TOP1: variants seen among roughly 807,000 people sequenced by gnomAD.
TOP1 encodes DNA topoisomerase I, also known as DNA topoisomerase 1.
A neutral mutation model predicts 111.1 loss-of-function variants in TOP1; 10 were observed. The ratio of observed to expected loss-of-function variants is 0.09; its 90% confidence interval spans 0.06 to 0.15. The LOEUF (loss-of-function observed/expected upper bound fraction) is 0.15. TOP1 is among the 10% of genes least tolerant of loss of function. TOP1 has a pLI of 1.00. For missense variants in TOP1, 474 were observed against 926.7 expected, an observed-to-expected ratio of 0.51 and a Z score of 6.34; for synonymous variants, 271 against 302.9, an observed-to-expected ratio of 0.89 and a Z score of 1.10.
Position 41,029,313 on chromosome 20 carries a change from C to T in TOP1, c.34-118C>T. 1 of 966,780 alleles carries T rather than the reference C, an allele frequency of 1.0e-6. No homozygotes were observed. Among genetic ancestry groups the T allele is most frequent in the Non-Finnish European group, 1.5e-6 (1 of 685,460 alleles). 59.9% of individuals were successfully genotyped at this position (966,780 alleles called of 1,614,324 possible). ...CAGGGATGGCTGCCCTCTGTGGCCA[C>T]CCCCGGGTCCCCGTCCTCCCCGGGG... On this transcript the variant is annotated intron_variant, in intron 1 of 20. Coordinates refer to ENST00000361337, the MANE Select transcript of TOP1 (RefSeq NM_003286.4). This position sits in a 1 kb window ranked among gnomAD's most constrained non-coding sequence, Gnocchi z 6.1.
At chr20:41,042,995 G>A (rs1033654631) in intron 2 of TOP1, among the ~76,000 whole-genome samples, 3 of 152,218 alleles carry the variant, frequency 2.0e-5, no homozygotes, top group Non-Finnish European at 4.4e-5. Flanking sequence ...TGCTGTCTCA[G>A]GAGTAGCAGA....
Position 41,069,800 on chromosome 20 carries a change from A to G in TOP1, c.156-6371A>G, listed in dbSNP as rs972512413. Among the ~76,000 whole-genome samples, 3 of 152,316 alleles carry G rather than the reference A, an allele frequency of 2.0e-5. No individual in the cohort carries two copies. Among genetic ancestry groups the G allele is most frequent in the Middle Eastern group, 3.4e-3 (1 of 294 alleles). ...ATTTATCCCTATCATAGTACGCCAT[A>G]ATCATTGTTTTTAAGATTTCATGGT... On this transcript the variant is annotated intron_variant, in intron 3 of 20. Coordinates refer to ENST00000361337, the MANE Select transcript of TOP1 (RefSeq NM_003286.4). This position sits in a 1 kb window ranked among gnomAD's most constrained non-coding sequence, Gnocchi z 4.1.
Position 41,094,266 on chromosome 20 carries a change from C to T in TOP1, c.730+1679C>T, listed in dbSNP as rs191511648. On this transcript the variant is annotated intron_variant, in intron 9 of 20. Coordinates refer to ENST00000361337, the MANE Select transcript of TOP1 (RefSeq NM_003286.4). The surrounding 1 kb of genome is among the most constrained non-coding windows in gnomAD (Gnocchi z 4.4). The stretch of plus-strand genomic sequence containing the variant: ...GAGAGCCTAAGACAGTTCTTTCAGC[C>T]CTCACGCTGGTCATTCCTGGAGACT... Among the ~76,000 whole-genome samples, 20 of 152,148 alleles carry T rather than the reference C, an allele frequency of 1.3e-4. No homozygotes were observed. In the East Asian group the frequency reaches 3.5e-3, roughly 26 times the overall value.
chr20:41,084,578 C>T lies in TOP1; in HGVS notation c.614+10C>T. The T allele has an allele frequency of 6.7e-7, 1 of 1,501,040 alleles. No individual in the cohort carries two copies. 93.0% of individuals were successfully genotyped at this position (1,501,040 alleles called of 1,614,324 possible). On this transcript the variant is annotated intron_variant, in intron 8 of 20. Transcript: ENST00000361337. ...AACAGAAGTGGAAATGGTAACATCT[C>T]AGCACTGGGTTAAAATGCCACCTTT...
At chr20:41,113,542 A>G (rs1001391635) in intron 14 of TOP1, among the ~76,000 whole-genome samples, 1 of 152,090 alleles carries the variant, frequency 6.6e-6, no homozygotes, top group Non-Finnish European at 1.5e-5. Context: ...GTGGCTTCAA[A>G]CAGAATTGGG....
rs761127035 is a variant in TOP1 at position 41,029,447 on chromosome 20, G to A, written c.50G>A (p.Arg17Gln). ...TTTTTCCAGATCGAAGCGGATTTCC[G>A]ATTGAATGGTGAGTGTGCCCCCTGC... is the stretch of plus-strand genomic sequence containing the variant. The part of the protein sequence containing the change: ...HNDSQIEADF[R>Q]LNDSHKHKDK... The change falls in exon 2 of 21, where the codon CGA becomes CAA. Residue 17 changes from arginine to glutamine, a missense_variant. Transcript: ENST00000361337. This position sits in a 1 kb window ranked among gnomAD's most constrained non-coding sequence, Gnocchi z 6.1. 3 of 1,502,608 alleles carry A rather than the reference G, an allele frequency of 2.0e-6. No homozygotes were observed. The highest frequency in any genetic ancestry group is 2.7e-6 in the Non-Finnish European group (3 of 1,124,670). The allele number at this position is 1,502,608 out of a possible 1,614,324, so 93.1% of individuals were successfully genotyped here.
chr20:41,057,288 AG>A (rs1446915625), intron 2 of TOP1, among the ~76,000 whole-genome samples: 1 of 151,558 alleles, frequency 6.6e-6, no homozygotes, highest in Non-Finnish European at 1.5e-5. Flanking sequence ...AGGCTGAGGC[AG>A]GAGAATTGCT....
In TOP1 at chr20:41,029,433, C is replaced by G. The variant is rs772450250; in HGVS notation, c.36C>G (p.Ile12Met). Residue 12 changes from isoleucine (I) to methionine (M), a missense_variant and splice_region_variant, in exon 2 of 21, where the codon ATC becomes ATG. Around this residue, in one of 14 missense-constraint regions of TOP1, gnomAD observed 185 missense variants for 226.3 expected, o/e 0.82. Coordinates refer to ENST00000361337, the MANE Select transcript of TOP1 (RefSeq NM_003286.4). The surrounding 1 kb of genome is among the most constrained non-coding windows in gnomAD (Gnocchi z 6.1). ...ATTCTCTCCTTTTCTTTTTCCAGAT[C>G]GAAGCGGATTTCCGATTGAATGGTG... ...SGDHLHNDSQ[I>M]EADFRLNDSH... 1 of 1,490,722 alleles carries G rather than the reference C, an allele frequency of 6.7e-7. No individual in the cohort carries two copies. The highest frequency in any genetic ancestry group is 2.6e-5 in the East Asian group (1 of 37,904). 92.3% of individuals were successfully genotyped at this position (1,490,722 alleles called of 1,614,324 possible).
At chr20:41,117,805 A>G (rs544395597) in intron 17 of TOP1, among the ~76,000 whole-genome samples, 2 of 152,292 alleles carry the variant, frequency 1.3e-5, no homozygotes, top group East Asian at 3.9e-4. Flanking sequence ...AACAAACCAT[A>G]GTAATATCAG....
rs575581491 is a variant in TOP1, at chr20:41,073,226, A to T, written c.156-2945A>T. On this transcript the variant is annotated intron_variant, in intron 3 of 20. Transcript: ENST00000361337. ...TGATTGCCAAAAGGCTCAGAAAGCC[A>T]GTTTTCTAGTGAAAATGGCTAACAT... 6.1e-6 allele frequency: 6 copies of T among 985,394 alleles called. No individual in the cohort carries two copies. In the South Asian group the frequency reaches 2.8e-4, roughly 46 times the overall value. The allele number at this position is 985,394 out of a possible 1,614,324, so 61.0% of individuals were successfully genotyped here.
At chr20:41,038,232 A>G (rs999200548) in intron 2 of TOP1, among the ~76,000 whole-genome samples, 6 of 152,126 alleles carry the variant, frequency 3.9e-5, no homozygotes, top group African/African-American at 1.2e-4. Flanking sequence ...CGAGTTCTTG[A>G]GCTTCTGCTC....
Position 41,079,827 on chromosome 20 carries a change from T to A in TOP1, c.336-258T>A, listed in dbSNP as rs2033768244. Among the ~76,000 whole-genome samples, 1 of 152,194 alleles carries A rather than the reference T, an allele frequency of 6.6e-6. No individual in the cohort carries two copies. Among genetic ancestry groups the A allele is most frequent in the East Asian group, 1.9e-4 (1 of 5,198 alleles). On this transcript the variant is annotated intron_variant, in intron 5 of 20. Coordinates refer to ENST00000361337, the MANE Select transcript of TOP1 (RefSeq NM_003286.4). This position sits in a 1 kb window ranked among gnomAD's most constrained non-coding sequence, Gnocchi z 4.0. ...GCTGGCAAAGATAGCTAAGAAATAGTGAGAAAGAATTCTGACTTAGAATAA... is the reference window on the plus strand; with the variant it reads ...GCTGGCAAAGATAGCTAAGAAATAGAGAGAAAGAATTCTGACTTAGAATAA...
rs1180604424 is a variant in TOP1 at position 41,079,196 on chromosome 20, C to T, written c.336-889C>T. 6.6e-6 allele frequency among the ~76,000 whole-genome samples: 1 copy of T among 152,098 alleles called. No individual in the cohort carries two copies. On this transcript the variant is annotated intron_variant, in intron 5 of 20. Transcript: ENST00000361337. The surrounding 1 kb of genome is among the most constrained non-coding windows in gnomAD (Gnocchi z 4.0). ...CTGTGAATATACTTTGCAGTGGGGTCGGGATTCTTAATCCTTGGATCCCTC... is the reference window on the plus strand; with the variant it reads ...CTGTGAATATACTTTGCAGTGGGGTTGGGATTCTTAATCCTTGGATCCCTC...
chr20:41,112,683 T>A lies in TOP1; in HGVS notation c.1309-99T>A. The stretch of plus-strand genomic sequence containing the variant: ...TGTCTTAGCCTCCCTATTAGCTAGC[T>A]GGGATTATAGGCTTGCGCCACCTTG... On this transcript the variant is annotated intron_variant, in intron 13 of 20. Coordinates refer to ENST00000361337, the MANE Select transcript of TOP1 (RefSeq NM_003286.4). This position sits in a 1 kb window ranked among gnomAD's most constrained non-coding sequence, Gnocchi z 5.8. 7.5e-7 allele frequency: 1 copy of A among 1,339,038 alleles called. No individual in the cohort carries two copies. The highest frequency in any genetic ancestry group is 1.0e-6 in the Non-Finnish European group (1 of 966,466). The allele number at this position is 1,339,038 out of a possible 1,614,324, so 82.9% of individuals were successfully genotyped here.
intron 3 of TOP1, among the ~76,000 whole-genome samples, chr20:41,066,432 G>A (rs968188242): frequency 6.6e-6 from 1 of 152,050 alleles, no homozygotes; most frequent in Non-Finnish European, 1.5e-5. Context: ...CTCTTCAGTT[G>A]TGAACTGCTC....
Position 41,100,976 on chromosome 20 carries a change from G to A in TOP1, c.1164-233G>A, listed in dbSNP as rs1401114273. ...GAGATTTCATCATGCTCCTCAGAAT[G>A]ATGTGCAATTTAAAACTTACAAAAT... On this transcript the variant is annotated intron_variant, in intron 12 of 20. Transcript: ENST00000361337. The surrounding 1 kb of genome is among the most constrained non-coding windows in gnomAD (Gnocchi z 4.4). Among the ~76,000 whole-genome samples, 1 of 152,186 alleles carries A rather than the reference G, an allele frequency of 6.6e-6. No homozygotes were observed. The highest frequency in any genetic ancestry group is 1.5e-5 in the Non-Finnish European group (1 of 68,034).
At chr20:41,038,009 C>A (rs1307189841) in intron 2 of TOP1, among the ~76,000 whole-genome samples, 1 of 152,070 alleles carries the variant, frequency 6.6e-6, no homozygotes, top group African/African-American at 2.4e-5. Context: ...GGAAAAAAAT[C>A]TGGGAAGATG....
At chr20:41,053,957 A>C (rs1174647184) in intron 2 of TOP1, among the ~76,000 whole-genome samples, 1 of 152,170 alleles carries the variant, frequency 6.6e-6, no homozygotes, top group Non-Finnish European at 1.5e-5. Context: ...TTCTTCCTTC[A>C]TGGGGGTTAT....
intron 2 of TOP1, among the ~76,000 whole-genome samples, chr20:41,055,482 A>C (rs1001783354): frequency 1.3e-5 from 2 of 152,086 alleles, no homozygotes; most frequent in Non-Finnish European, 2.9e-5. Context: ...TTACTTTTTC[A>C]CTTACTGGCA....
Sources: gnomAD v4.1 joint callset for allele counts (sites outside exome capture counted in the v4.1 genomes callset) on GRCh38, gnomAD v4.1.1 for gene constraint, gnomAD v4.1.1 regional missense constraint, Gnocchi (gnomAD v3.1) non-coding constraint, MANE v1.5 for transcripts, NCBI Gene and HGNC (gene_info 2026-07-23, HGNC 2026-07-21) for gene names.